The following FABP7 variants were observed in gnomAD, a reference collection of about 807,000 sequenced individuals.
FABP7 encodes the protein fatty acid-binding protein, brain.
A neutral mutation model predicts 14.2 loss-of-function variants in FABP7; 13 were observed. The ratio of observed to expected loss-of-function variants is 0.91; its 90% CI spans 0.59 to 1.45. FABP7 has a LOEUF of 1.45. FABP7 is among the 40% of genes most tolerant of loss of function. FABP7 has a pLI of 0.00. For missense variants in FABP7, 149 were observed against 157.6 expected (o/e 0.95, Z 0.29); for synonymous variants, 49 against 51.4 (o/e 0.95, Z 0.20).
upstream of FABP7, among the ~76,000 whole-genome samples, chr6:122,775,705 A>C (rs1266325598): frequency 1.6e-5 from 1 of 63,802 alleles, no homozygotes; most frequent in African/African-American, 3.9e-5. Context: ...CAACAACAAC[A>C]AAAAAAACAA....
At chr6:122,756,993 C>A in the FABP7 span, among the ~76,000 whole-genome samples, 1 of 152,176 alleles carries the variant, frequency 6.6e-6, no homozygotes, top group Non-Finnish European at 1.5e-5. Flanking sequence ...CACTTCTTTG[C>A]ACTGTCCACA....
intron 3 of FABP7, chr6:122,781,809 T>C: frequency 1.5e-6 from 1 of 651,708 alleles, no homozygotes; most frequent in Non-Finnish European, 1.9e-6. Context: ...GGGTGCATTC[T>C]TGGCTCACTG....
At chr6:122,776,544 G>T (rs1318553782), upstream of FABP7, among the ~76,000 whole-genome samples, 3 of 152,074 alleles carry the variant, frequency 2.0e-5, no homozygotes, top group Non-Finnish European at 4.4e-5. Context: ...GGATGAAGAG[G>T]GAATGGTTAA....
chr6:122,764,983 C>T, the FABP7 span, among the ~76,000 whole-genome samples: 1 of 152,064 alleles, frequency 6.6e-6, no homozygotes, highest in Non-Finnish European at 1.5e-5. Context: ...AGTCCACTGC[C>T]TAATGTAGTT....
chr6:122,764,144 T>C, the FABP7 span, among the ~76,000 whole-genome samples: 20,298 of 152,190 alleles, frequency 0.13, 2,202 homozygotes, highest in East Asian at 0.52. Context: ...AACCCAAATG[T>C]CCATCAATGA....
At position 122,780,350 on chromosome 6, in the gene FABP7, CAAG is replaced by C; in HGVS notation, c.137_139del (p.Glu46del). ...GACCAAACCAACGGTAATTATCAGT[CAAG>C]AAGGAGACAAAGTGGTCATCAGGAC... On this transcript the variant is annotated inframe_deletion, in exon 2 of 4. Coordinates refer to ENST00000368444, the MANE Select transcript of FABP7 (RefSeq NM_001446.5). The C allele has an allele frequency of 6.2e-7, 1 of 1,614,076 alleles. No homozygotes were observed. The highest frequency in any genetic ancestry group is 2.2e-5 in the East Asian group (1 of 44,856).
the FABP7 span, among the ~76,000 whole-genome samples, chr6:122,772,758 A>T: frequency 8.5e-5 from 13 of 152,142 alleles, no homozygotes; most frequent in Non-Finnish European, 1.8e-4. Flanking sequence ...TAAAAGTTAC[A>T]TATCACCAAT....
At chr6:122,778,416 T>G (rs895986578), upstream of FABP7, among the ~76,000 whole-genome samples, 5 of 152,170 alleles carry the variant, frequency 3.3e-5, no homozygotes, top group Admixed American at 3.3e-4. Flanking sequence ...AGAAGAATCA[T>G]GTAGCCGCCA....
intron 3 of FABP7, chr6:122,782,670 A>T (rs9401595): frequency 8.1e-6 from 8 of 985,184 alleles, no homozygotes; most frequent in Non-Finnish European, 9.6e-6. Context: ...AATGCTTTAC[A>T]TAGTCCTTGT....
chr6:122,759,291 C>T, the FABP7 span, among the ~76,000 whole-genome samples: 5 of 152,136 alleles, frequency 3.3e-5, no homozygotes, highest in Non-Finnish European at 7.3e-5. Context: ...GGGTGTGTGT[C>T]AGCTATGCAA....
chr6:122,780,082 C>T (rs1489458390), intron 1 of FABP7, among the ~76,000 whole-genome samples: 1 of 152,166 alleles, frequency 6.6e-6, no homozygotes, highest in East Asian at 1.9e-4. Context: ...TTTGCTATTC[C>T]GTGGAGAATA....
chr6:122,771,733 G>A, the FABP7 span, among the ~76,000 whole-genome samples: 1 of 152,200 alleles, frequency 6.6e-6, no homozygotes, highest in East Asian at 1.9e-4. Context: ...TAACATGATA[G>A]GATTAAAGAA....
the FABP7 span, among the ~76,000 whole-genome samples, chr6:122,767,598 G>A: frequency 6.6e-6 from 1 of 151,904 alleles, no homozygotes; most frequent in African/African-American, 2.4e-5. Flanking sequence ...CAAGTTAACG[G>A]TTCAAATGTT....
At chr6:122,751,635 A>G in the FABP7 span, among the ~76,000 whole-genome samples, 68 of 152,340 alleles carry the variant, frequency 4.5e-4, no homozygotes, top group African/African-American at 1.6e-3. Context: ...TGCAAATGGC[A>G]CATTCTATTA....
intron 3 of FABP7, chr6:122,783,370 TATTATAAAACTC>T: frequency 1.0e-6 from 1 of 984,838 alleles, no homozygotes; most frequent in Non-Finnish European, 1.2e-6. Flanking sequence ...TATGTAAACC[TATTATAAAACTC>T]ATTCACTTTT....
At chr6:122,769,156 A>G in the FABP7 span, among the ~76,000 whole-genome samples, 4 of 152,142 alleles carry the variant, frequency 2.6e-5, no homozygotes. Context: ...CAGCAGCAGG[A>G]ATCTGGAAGT....
At chr6:122,767,408 G>A in the FABP7 span, among the ~76,000 whole-genome samples, 8 of 152,068 alleles carry the variant, frequency 5.3e-5, no homozygotes, top group African/African-American at 1.9e-4. Flanking sequence ...TTGATTAGTG[G>A]AATTAAAGAG....
At chr6:122,773,684 T>G in the FABP7 span, among the ~76,000 whole-genome samples, 1 of 152,202 alleles carries the variant, frequency 6.6e-6, no homozygotes, top group African/African-American at 2.4e-5. Flanking sequence ...CTGCATAACC[T>G]TGGATATCTT....
At chr6:122,766,336 C>T in the FABP7 span, among the ~76,000 whole-genome samples, 1 of 152,102 alleles carries the variant, frequency 6.6e-6, no homozygotes, top group Non-Finnish European at 1.5e-5. Flanking sequence ...CAGTCCTTCT[C>T]TAACTTTGAG....
Sources: gnomAD v4.1 joint callset for allele counts (sites outside exome capture counted in the v4.1 genomes callset) on GRCh38, gnomAD v4.1.1 for gene constraint, MANE v1.5 for transcripts, NCBI Gene and HGNC (gene_info 2026-07-23, HGNC 2026-07-21) for gene names.